NRXN1: variants seen among roughly 807,000 people sequenced by gnomAD.
NRXN1 encodes the protein neurexin 1.
In NRXN1, 39 loss-of-function variants were observed where a neutral mutation model predicts 150.9. The observed-to-expected ratio is 0.26, with a 90% CI of 0.20 to 0.34. The LOEUF (loss-of-function observed/expected upper bound fraction) is 0.34. Ranked by LOEUF, NRXN1 falls within the 10% of genes least tolerant of loss-of-function variation. The pLI is 1.00. For synonymous variants in NRXN1, 924 were observed against 757.0 expected (o/e 1.22, Z -3.62); for missense variants, 1,815 against 1,949.9 (o/e 0.93, Z 1.30).
chr2:50,787,102 A>G (rs550938835), intron 5 of NRXN1, among the ~76,000 whole-genome samples: 15 of 152,272 alleles, frequency 9.9e-5, no homozygotes, highest in African/African-American at 3.4e-4. Context: ...ATAAAACTGG[A>G]AAGAGATGTC....
intron 17 of NRXN1, among the ~76,000 whole-genome samples, chr2:50,371,249 C>A (rs889652187): frequency 6.6e-6 from 1 of 151,904 alleles, no homozygotes; most frequent in Admixed American, 6.6e-5. Context: ...TTGATTATTA[C>A]CAATAGCCAA....
chr2:50,547,548 AAAC>A lies in NRXN1; in HGVS notation c.1759+5036_1759+5038del, dbSNP rs955334693. On this transcript the variant is annotated intron_variant, in intron 9 of 22. Transcript: ENST00000401669. ...TCTGGAAAGAGAGAGACTGGTTTAA[AAAC>A]AACAACAACAACAAAAACGCTCAGC... is the stretch of plus-strand genomic sequence containing the variant. 25 of 152,338 alleles carry A rather than the reference AAAC, an allele frequency of 1.6e-4. No homozygotes were observed. In the East Asian group the frequency reaches 3.3e-3, roughly 20 times the overall value. 9.4% of individuals were successfully genotyped at this position (152,338 alleles called of 1,614,324 possible).
chr2:50,786,889 T>C lies in NRXN1; in HGVS notation c.832+134980A>G, dbSNP rs556428149. On this transcript the variant is annotated intron_variant, in intron 5 of 22. Transcript: ENST00000401669. ...GAAATAGAACACCAAGCTAATAACA[T>C]ATAAAAAAATGGAAAATTCTTCATT... Among the ~76,000 whole-genome samples the C allele has an allele frequency of 8.7e-4, 133 of 152,216 alleles. 1 individual carries two copies. The highest frequency in any genetic ancestry group is 3.0e-3 in the African/African-American group (123 of 41,568).
intron 18 of NRXN1, among the ~76,000 whole-genome samples, chr2:50,181,860 G>A (rs1301408441): frequency 2.0e-5 from 3 of 152,012 alleles, no homozygotes; most frequent in African/African-American, 7.2e-5. Context: ...GAGCATTGTT[G>A]TATGAACGTT....
At position 50,551,077 on chromosome 2, in the gene NRXN1, G is replaced by GAAGAA. The variant is rs1553775815; in HGVS notation, c.1759+1509_1759+1510insTTCTT. On this transcript the variant is annotated intron_variant, in intron 9 of 22. Transcript: ENST00000401669. ...AAGAAGAAGAAGAAGAAGAAGAAGAGGAGGAGGAGGAGGAGGAGGAGGAGG... is the reference window on the plus strand; with the variant it reads ...AAGAAGAAGAAGAAGAAGAAGAAGAGAAGAAGAGGAGGAGGAGGAGGAGGAGGAGG... Among the ~76,000 whole-genome samples, 41 of 52,378 alleles carry GAAGAA rather than the reference G, an allele frequency of 7.8e-4. 1 individual carries two copies. The highest frequency in any genetic ancestry group is 3.9e-3 in the African/African-American group (37 of 9,568). The allele number at this position is 52,378 out of a possible 152,430, so 34.4% of individuals were successfully genotyped here.
chr2:50,110,903 G>GA (rs1204494011), intron 18 of NRXN1, among the ~76,000 whole-genome samples: 1 of 151,920 alleles, frequency 6.6e-6, no homozygotes, highest in Non-Finnish European at 1.5e-5. Context: ...TTTCCTTTTA[G>GA]AAAAAAATCA....
At chr2:50,383,413 G>T (rs2081108379) in intron 17 of NRXN1, among the ~76,000 whole-genome samples, 1 of 152,076 alleles carries the variant, frequency 6.6e-6, no homozygotes, top group South Asian at 2.1e-4. Flanking sequence ...TACAGTCTGA[G>T]ATCTCCCAGG....
chr2:50,968,902 T>A (rs1387508146), intron 2 of NRXN1, among the ~76,000 whole-genome samples: 1 of 152,108 alleles, frequency 6.6e-6, no homozygotes, highest in African/African-American at 2.4e-5. Context: ...GCTTAGAGCT[T>A]GCCGATAAAT....
At chr2:50,829,815 CATAAT>C in intron 5 of NRXN1, 1 of 1,415,338 alleles carries the variant, frequency 7.1e-7, no homozygotes. Flanking sequence ...CTTTTGGTAA[CATAAT>C]ATATAACTTC....
intron 5 of NRXN1, among the ~76,000 whole-genome samples, chr2:50,916,641 C>T (rs560751087): frequency 9.9e-5 from 15 of 151,584 alleles, no homozygotes; most frequent in Non-Finnish European, 2.1e-4. Flanking sequence ...TTCATACCAC[C>T]TCATTTTTTA....
At chr2:50,466,326 A>G (rs1296785501) in intron 16 of NRXN1, 1 of 369,244 alleles carries the variant, frequency 2.7e-6, no homozygotes, top group Non-Finnish European at 5.4e-6. Flanking sequence ...CTTCTTGCAC[A>G]ACGTTCAAGA....
At chr2:50,045,236 A>T (rs1270759867) in intron 21 of NRXN1, among the ~76,000 whole-genome samples, 1 of 152,242 alleles carries the variant, frequency 6.6e-6, no homozygotes, top group Non-Finnish European at 1.5e-5. Flanking sequence ...TAACATAGAG[A>T]TTTAAAACTA....
intron 8 of NRXN1, among the ~76,000 whole-genome samples, chr2:50,590,025 A>C (rs148570859): frequency 6.6e-6 from 1 of 152,370 alleles, no homozygotes; most frequent in African/African-American, 2.4e-5. Context: ...GAATGTATTT[A>C]TGGAACACCT....
chr2:50,974,232 T>A (rs566031701), intron 2 of NRXN1, among the ~76,000 whole-genome samples: 1 of 152,298 alleles, frequency 6.6e-6, no homozygotes, highest in South Asian at 2.1e-4. Context: ...AGACTTTTGG[T>A]ACAAAATGCC....
intron 3 of NRXN1, chr2:50,923,533 A>G: frequency 4.3e-6 from 1 of 231,572 alleles, no homozygotes. Flanking sequence ...ACTGAAGAGC[A>G]CTTCTCTTCT....
chr2:50,769,876 T>G (rs186509270), intron 5 of NRXN1, among the ~76,000 whole-genome samples: 1 of 152,204 alleles, frequency 6.6e-6, no homozygotes, highest in East Asian at 1.9e-4. Context: ...GCATCAGGCG[T>G]AGAATTCAGA....
chr2:50,054,273 A>C (rs1012288733), intron 20 of NRXN1, among the ~76,000 whole-genome samples: 9 of 152,192 alleles, frequency 5.9e-5, no homozygotes, highest in Non-Finnish European at 1.2e-4. Context: ...TCAGATGTAA[A>C]AAGCGGCTTC....
chr2:50,139,483 T>C (rs1353993554), intron 18 of NRXN1, among the ~76,000 whole-genome samples: 1 of 152,196 alleles, frequency 6.6e-6, no homozygotes, highest in Non-Finnish European at 1.5e-5. Flanking sequence ...CAATTACTTT[T>C]GCTAGATAAA....
At chr2:50,779,093 C>T (rs577386111) in intron 5 of NRXN1, among the ~76,000 whole-genome samples, 148 of 152,114 alleles carry the variant, frequency 9.7e-4, no homozygotes, top group African/African-American at 3.4e-3. Flanking sequence ...GTTACCTAGG[C>T]ATACTTGTGC....
Sources: gnomAD v4.1 joint callset for allele counts (sites outside exome capture counted in the v4.1 genomes callset) on GRCh38, gnomAD v4.1.1 for gene constraint, MANE v1.5 for transcripts, NCBI Gene and HGNC (gene_info 2026-07-23, HGNC 2026-07-21) for gene names.